PARP8: variants seen among roughly 807,000 people sequenced by gnomAD.
The protein encoded by PARP8 is poly(ADP-ribose) polymerase family member 8.
A neutral mutation model predicts 124.1 loss-of-function variants in PARP8; 51 were observed. The ratio of observed to expected loss-of-function variants is 0.41; its 90% CI spans 0.33 to 0.52. PARP8 has a LOEUF of 0.52. Ranked by LOEUF, PARP8 falls within the 20% of genes least tolerant of loss-of-function variation. The probability of loss-of-function intolerance (pLI) is 0.21; values close to 1 mark genes in which losing one functional copy is unlikely to be tolerated. For missense variants in PARP8, 860 were observed against 1,018.9 expected, an observed-to-expected ratio of 0.84 and a Z score of 2.12; for synonymous variants, 391 against 361.5, an observed-to-expected ratio of 1.08 and a Z score of -0.93.
chr5:50,763,315 T>A, intron 7 of PARP8, 73 bp downstream of exon 7: 1 of 1,228,786 alleles, frequency 8.1e-7, no homozygotes, highest in Admixed American at 1.9e-5. Context: ...TGGAGTAATT[T>A]AAAGGAAAAA....
intron 7 of PARP8, among the ~76,000 whole-genome samples, chr5:50,775,531 G>A (rs572815604): frequency 4.6e-5 from 7 of 152,250 alleles, no homozygotes; most frequent in South Asian, 2.1e-4. Context: ...GTCCAACCTC[G>A]GCAACAGAGG....
At chr5:50,739,709 C>CATATATATATATAT (rs372997958) in intron 2 of PARP8, among the ~76,000 whole-genome samples, 5 of 101,040 alleles carry the variant, frequency 4.9e-5, no homozygotes, top group African/African-American at 2.1e-4. Context: ...TGGGTATATA[C>CATATATATATATAT]ATATATATAT....
At chr5:50,818,632 G>A (rs1242180481) in intron 15 of PARP8, among the ~76,000 whole-genome samples, 5 of 102,546 alleles carry the variant, frequency 4.9e-5, no homozygotes, top group South Asian at 3.8e-4. Context: ...TCCCACCCCC[G>A]CCTCCCAAAA....
At chr5:50,704,161 T>C (rs1245947900) in intron 2 of PARP8, among the ~76,000 whole-genome samples, 1 of 151,990 alleles carries the variant, frequency 6.6e-6, no homozygotes, top group Admixed American at 6.6e-5. Flanking sequence ...AGCTGGAGAG[T>C]TTAGCTTCCT....
chr5:50,733,305 C>CA (rs954677810), intron 2 of PARP8, among the ~76,000 whole-genome samples: 48 of 147,464 alleles, frequency 3.3e-4, no homozygotes, highest in South Asian at 1.1e-3. Flanking sequence ...AAAACCAAAA[C>CA]AAAAAAAAAA....
intron 9 of PARP8, among the ~76,000 whole-genome samples, chr5:50,782,770 T>C (rs1343278858): frequency 2.6e-5 from 4 of 151,874 alleles, no homozygotes; most frequent in African/African-American, 9.7e-5. Context: ...TCAGTTAGAA[T>C]CCAATCAGAA....
intron 2 of PARP8, among the ~76,000 whole-genome samples, chr5:50,684,186 T>C (rs899848724): frequency 1.3e-5 from 2 of 152,188 alleles, no homozygotes; most frequent in Non-Finnish European, 2.9e-5. Flanking sequence ...ATATTGTATG[T>C]CTGATTCTCT....
chr5:50,736,203 G>T (rs976047311), intron 2 of PARP8, among the ~76,000 whole-genome samples: 4 of 152,022 alleles, frequency 2.6e-5, no homozygotes, highest in Non-Finnish European at 5.9e-5. Context: ...CATACAGAGG[G>T]TAATTTGTGA....
intron 25 of PARP8, among the ~76,000 whole-genome samples, chr5:50,839,700 C>T (rs1460136607): frequency 6.7e-6 from 1 of 150,160 alleles, no homozygotes; most frequent in Non-Finnish European, 1.5e-5. Flanking sequence ...CTAGTTCTCA[C>T]TCTTGCCTTC....
intron 2 of PARP8, chr5:50,744,724 T>C (rs773697443): frequency 4.3e-6 from 3 of 696,878 alleles, no homozygotes; most frequent in East Asian, 5.4e-5. Context: ...GCTTTTTTTT[T>C]TCTCTGAATA....
At chr5:50,825,443 G>T (rs1297108801) in intron 18 of PARP8, among the ~76,000 whole-genome samples, 1 of 152,136 alleles carries the variant, frequency 6.6e-6, no homozygotes, top group African/African-American at 2.4e-5. Context: ...CTCTCTGCTT[G>T]CTCAGTGCAG....
intron 17 of PARP8, 113 bp from the exon 18 acceptor site, chr5:50,824,795 T>C (rs1746160930): frequency 3.9e-6 from 3 of 762,134 alleles, no homozygotes; most frequent in East Asian, 5.2e-5. Flanking sequence ...GTTAAGTCCA[T>C]AAATTTTTAA....
At chr5:50,667,821 C>A in intron 1 of PARP8, 1 of 1,162,840 alleles carries the variant, frequency 8.6e-7, no homozygotes, top group Non-Finnish European at 1.2e-6. Flanking sequence ...TTCCGGCCTC[C>A]CCTATCGGGA....
At chr5:50,760,033 AC>A (rs1760390295) in intron 4 of PARP8, among the ~76,000 whole-genome samples, 1 of 152,226 alleles carries the variant, frequency 6.6e-6, no homozygotes, top group South Asian at 2.1e-4. Flanking sequence ...CAATGAAGAC[AC>A]CATGAAATAT....
intron 2 of PARP8, among the ~76,000 whole-genome samples, chr5:50,683,674 G>T (rs181196300): frequency 7.9e-5 from 12 of 152,100 alleles, no homozygotes; most frequent in African/African-American, 2.7e-4. Context: ...ATCTTCTACT[G>T]TAAGAGATAT....
rs190359589 is a variant in PARP8 at position 50,844,646 on chromosome 5, T to G, written c.*2578T>G. 1 of 151,826 alleles carries G rather than the reference T, an allele frequency of 6.6e-6. No homozygotes were observed. Among genetic ancestry groups the G allele is most frequent in the South Asian group, 2.1e-4 (1 of 4,834 alleles). The allele number at this position is 151,826 out of a possible 1,614,324, so 9.4% of individuals were successfully genotyped here. A position where few individuals can be genotyped will look rare whatever the true frequency, so the allele number is the denominator to read the frequency against. Reference sequence around the variant, plus strand: ...AATGCTTTGTAATGGTTTTATTAATTGTGTAGCCATTGCTACTTAGATAGT... The same window carrying G: ...AATGCTTTGTAATGGTTTTATTAATGGTGTAGCCATTGCTACTTAGATAGT... On this transcript the variant is annotated 3_prime_UTR_variant, in exon 26 of 26. Coordinates refer to ENST00000281631, the MANE Select transcript of PARP8 (RefSeq NM_024615.4).
At chr5:50,749,631 G>A (rs1325218221) in intron 2 of PARP8, among the ~76,000 whole-genome samples, 4 of 152,032 alleles carry the variant, frequency 2.6e-5, no homozygotes, top group African/African-American at 9.6e-5. Context: ...GTGTGTGTGC[G>A]TGCATGATGA....
chr5:50,838,502 AAG>A (rs1747827977), intron 25 of PARP8, among the ~76,000 whole-genome samples: 3 of 152,096 alleles, frequency 2.0e-5, no homozygotes, highest in African/African-American at 7.2e-5. Flanking sequence ...AAGCCAAAAA[AAG>A]GAGAAAATTT....
At chr5:50,765,510 A>T (rs1211876372) in intron 7 of PARP8, among the ~76,000 whole-genome samples, 2 of 152,164 alleles carry the variant, frequency 1.3e-5, no homozygotes, top group African/African-American at 2.4e-5. Flanking sequence ...AAATTAGATT[A>T]AAAAATGTTT....
Sources: gnomAD v4.1 joint callset for allele counts (sites outside exome capture counted in the v4.1 genomes callset) on GRCh38, gnomAD v4.1.1 for gene constraint, MANE v1.5 for transcripts, NCBI Gene and HGNC (gene_info 2026-07-23, HGNC 2026-07-21) for gene names.